Variants in MYO15B observed in about 807,000 individuals in gnomAD.
MYO15B encodes the protein myosin XVB.
Under a neutral mutation model 119.3 loss-of-function variants are expected in MYO15B, and 207 were observed. The observed-to-expected ratio is 1.73, with a 90% CI of 1.55 to 1.95. The LOEUF (loss-of-function observed/expected upper bound fraction) is 1.95. Among genes scored for constraint, MYO15B ranks in the 30% most tolerant of loss-of-function variants. The pLI, the probability that MYO15B is intolerant of heterozygous loss-of-function variation, is 0.00. For synonymous variants in MYO15B, 966 were observed against 498.9 expected, an observed-to-expected ratio of 1.94 and a Z score of -12.48; for missense variants, 2,264 against 1,203.1, an observed-to-expected ratio of 1.88 and a Z score of -13.04.
intron 43 of MYO15B, among the ~76,000 whole-genome samples, chr17:75,618,739 G>C (rs1426549468): frequency 6.6e-6 from 1 of 152,122 alleles, no homozygotes; most frequent in Non-Finnish European, 1.5e-5. Flanking sequence ...ACAGGCTCTA[G>C]CACACAGTAG....
intron 14 of MYO15B, among the ~76,000 whole-genome samples, chr17:75,598,836 T>C (rs2057055967): frequency 1.3e-5 from 2 of 150,932 alleles, no homozygotes; most frequent in South Asian, 4.2e-4. Flanking sequence ...CCAAGATCAC[T>C]TTTGGAATCC....
chr17:75,589,188 G>A lies in MYO15B; in HGVS notation c.1131G>A (p.Leu377=). 1 of 396,860 alleles carries A rather than the reference G, an allele frequency of 2.5e-6. No homozygotes were observed. Among genetic ancestry groups the A allele is most frequent in the Non-Finnish European group, 4.4e-6 (1 of 225,566 alleles). 24.6% of individuals were successfully genotyped at this position (396,860 alleles called of 1,614,324 possible). A position where few individuals can be genotyped will look rare whatever the true frequency, so the allele number is the denominator to read the frequency against. ...GTGTAGCGCGAGCCCTGGGCCTCCT[G>A]CGCTGGCTGCGGCGGCGGCTGCGGC... is the stretch of plus-strand genomic sequence containing the variant. Residue 377 remains leucine, a synonymous_variant, in exon 1 of 64, where the codon CTG becomes CTA. Transcript: ENST00000645453. The surrounding 1 kb of genome is among the most constrained non-coding windows in gnomAD (Gnocchi z 4.2).
intron 14 of MYO15B, among the ~76,000 whole-genome samples, chr17:75,601,106 T>C (rs976499200): frequency 3.3e-5 from 5 of 151,788 alleles, no homozygotes; most frequent in Non-Finnish European, 7.4e-5. Context: ...GATTTCACTA[T>C]GTTGGCCAGG....
chr17:75,619,658 C>G lies in MYO15B; in HGVS notation c.7183-23C>G. 4.3e-6 allele frequency: 3 copies of G among 702,488 alleles called. No homozygotes were observed. The South Asian group carries it at 4.4e-5, about 10-fold the overall frequency. 43.5% of individuals were successfully genotyped at this position (702,488 alleles called of 1,614,324 possible). On this transcript the variant is annotated intron_variant, in intron 45 of 63. Transcript: ENST00000645453. The stretch of plus-strand genomic sequence containing the variant: ...CAGTAGCAGGACCCAGGAGACTGCC[C>G]GAGACCCACCACCTTCCTGTAGGGC...
chr17:75,588,588 C>A (rs62089220), exon 1 of MYO15B: 35,542 of 399,334 alleles, frequency 0.089, 1,742 homozygotes, highest in Middle Eastern at 0.15. Flanking sequence ...GCGGCACAGC[C>A]CGGGAGCTGC....
At chr17:75,621,429 G>A in intron 51 of MYO15B, 21 bp downstream of exon 51, 1 of 699,410 alleles carries the variant, frequency 1.4e-6, no homozygotes, top group Non-Finnish European at 2.6e-6. Context: ...GGCAGGGAGG[G>A]GTCTGGCCCG....
At chr17:75,620,761 G>A (rs1156618078) in intron 49 of MYO15B, 125 bp downstream of exon 49, 4 of 699,190 alleles carry the variant, frequency 5.7e-6, no homozygotes, top group Admixed American at 2.0e-5. Context: ...TCCTGTGGCT[G>A]CCCCTCTGCC....
exon 37 of MYO15B, chr17:75,616,105 C>A: frequency 3.5e-6 from 2 of 569,588 alleles, no homozygotes; most frequent in Non-Finnish European, 6.2e-6. Flanking sequence ...GCCCTATCAG[C>A]CCAAGAGCTT....
intron 45 of MYO15B, 71 bp from the exon 46 acceptor site, chr17:75,619,610 G>A (rs903053005): frequency 1.4e-6 from 1 of 695,104 alleles, no homozygotes. Flanking sequence ...CACTGGCCCT[G>A]GGCAGCTCCA....
At chr17:75,613,537 C>T (rs945567235) in intron 28 of MYO15B, 66 bp downstream of exon 28, 1 of 649,612 alleles carries the variant, frequency 1.5e-6, no homozygotes, top group Admixed American at 2.6e-5. Flanking sequence ...CCTTTGCCCT[C>T]CCTGGAACCC....
chr17:75,602,474 T>C, intron 15 of MYO15B, 43 bp from the exon 16 acceptor site: 1 of 702,868 alleles, frequency 1.4e-6, no homozygotes, highest in South Asian at 1.5e-5. Context: ...CCTGTTCTCC[T>C]CCCTTTCTCC....
intron 12 of MYO15B, 194 bp from the exon 13 acceptor site, chr17:75,596,266 T>TA: frequency 1.7e-6 from 1 of 588,858 alleles, no homozygotes; most frequent in East Asian, 2.8e-5. Context: ...TGTGGGCAGC[T>TA]AGAGGGACCT....
chr17:75,593,304 G>T (rs375745586), intron 9 of MYO15B, among the ~76,000 whole-genome samples: 12 of 150,802 alleles, frequency 8.0e-5, no homozygotes, highest in South Asian at 2.1e-4. Context: ...AGGAATTCTA[G>T]AGCAGCCTGG....
Position 75,621,581 on chromosome 17 carries a change from A to C in MYO15B, c.8005+11A>C, listed in dbSNP as rs1411726678. The C allele has an allele frequency of 1.4e-6, 1 of 700,340 alleles. No individual in the cohort carries two copies. Among genetic ancestry groups the C allele is most frequent in the Admixed American group, 2.0e-5 (1 of 49,966 alleles). 43.4% of individuals were successfully genotyped at this position (700,340 alleles called of 1,614,324 possible). A position where few individuals can be genotyped will look rare whatever the true frequency, so the allele number is the denominator to read the frequency against. Reference sequence around the variant, plus strand: ...TAGCCAGCTTCCTGGGTGAGTGGCCACAGGCATCCTGGGTCCCCATGTCTG... The same window carrying C: ...TAGCCAGCTTCCTGGGTGAGTGGCCCCAGGCATCCTGGGTCCCCATGTCTG... On this transcript the variant is annotated intron_variant, in intron 52 of 63. Transcript: ENST00000645453.
chr17:75,598,266 CAAAAA>C (rs67823231), intron 14 of MYO15B, among the ~76,000 whole-genome samples: 2 of 140,208 alleles, frequency 1.4e-5, no homozygotes, highest in Non-Finnish European at 3.1e-5. Flanking sequence ...GACTCCGTCT[CAAAAA>C]AAAGAAAAGA....
intron 12 of MYO15B, 63 bp downstream of exon 12, chr17:75,595,035 A>AC: frequency 1.5e-6 from 1 of 686,966 alleles, no homozygotes; most frequent in East Asian, 2.7e-5. Flanking sequence ...GATTTCTGGG[A>AC]CCCCCACAGC....
chr17:75,619,103 G>C (rs1409014048), intron 43 of MYO15B, 40 bp from the exon 44 acceptor site: 1 of 702,540 alleles, frequency 1.4e-6, no homozygotes, highest in Admixed American at 2.0e-5. Flanking sequence ...GGTGGGCTCT[G>C]TCTCAGGACC....
intron 52 of MYO15B, 100 bp from the exon 53 acceptor site, chr17:75,621,904 C>A: frequency 1.5e-6 from 1 of 650,692 alleles, no homozygotes; most frequent in Non-Finnish European, 2.8e-6. Flanking sequence ...GAGAGTGAGG[C>A]ATCAGATGGC....
intron 33 of MYO15B, 63 bp downstream of exon 33, chr17:75,615,105 T>G: frequency 1.5e-6 from 1 of 688,896 alleles, no homozygotes; most frequent in Non-Finnish European, 2.7e-6. Context: ...AGGCATGGCC[T>G]GGGACCCCTC....
Sources: gnomAD v4.1 joint callset for allele counts (sites outside exome capture counted in the v4.1 genomes callset) on GRCh38, gnomAD v4.1.1 for gene constraint, Gnocchi (gnomAD v3.1) non-coding constraint, MANE v1.5 for transcripts, NCBI Gene and HGNC (gene_info 2026-07-23, HGNC 2026-07-21) for gene names.